NFKBID: variants seen among roughly 807,000 people sequenced by gnomAD.
NFKBID encodes the protein NF-kappa-B inhibitor delta.
NFKBID carries 26 observed loss-of-function variants against 53.4 expected under a neutral mutation model. The ratio of observed to expected loss-of-function variants is 0.49; its 90% CI spans 0.36 to 0.68. NFKBID has a LOEUF of 0.68. Ranked by LOEUF, NFKBID falls within the 30% of genes least tolerant of loss-of-function variation. NFKBID has a pLI of 0.00. For synonymous variants in NFKBID, 262 were observed against 259.8 expected (o/e 1.01, Z -0.08); for missense variants, 493 against 614.1 (o/e 0.80, Z 2.08).
chr19:35,900,481 C>T (rs1243027703), exon 1 of NFKBID: 1 of 1,231,928 alleles, frequency 8.1e-7, no homozygotes, highest in Non-Finnish European at 1.0e-6. Context: ...CCCCCAGGGC[C>T]GCGGCCTCGG....
chr19:35,894,677 G>T (rs1975005936), intron 9 of NFKBID, among the ~76,000 whole-genome samples: 1 of 151,664 alleles, frequency 6.6e-6, no homozygotes, highest in Non-Finnish European at 1.5e-5. Flanking sequence ...CAGCCTGAGT[G>T]ACAGAGTGAG....
At chr19:35,890,518 G>A (rs1974688177) in intron 9 of NFKBID, 28 bp from the exon 10 acceptor site, 14 of 1,508,812 alleles carry the variant, frequency 9.3e-6, no homozygotes, top group Non-Finnish European at 1.3e-5. Context: ...GCAGAGGTCA[G>A]GGCCAGCCTC....
At chr19:35,897,920 G>A (rs1975296456) in intron 3 of NFKBID, 64 bp from the exon 4 acceptor site, 1 of 1,142,842 alleles carries the variant, frequency 8.8e-7, no homozygotes, top group East Asian at 2.6e-5. Context: ...CACATCCAGG[G>A]CTAGAGGGCC....
Position 35,896,757 on chromosome 19 carries a change from C to T in NFKBID, c.653G>A (p.Arg218Gln), listed in dbSNP as rs201493110. Residue 218 changes from arginine (R) to glutamine (Q), a missense_variant, in exon 6 of 12, where the codon CGG (arginine) becomes CAG (glutamine). By Grantham distance (43) the Arg-to-Gln change is conservative. This residue lies in a region of NFKBID where 267 missense variants were observed against 384.6 expected (regional missense o/e 0.69). Transcript: ENST00000641389. The surrounding 1 kb of genome is among the most constrained non-coding windows in gnomAD (Gnocchi z 5.7). ...CTTATGCTCACGAATGTCAAGACGC[C>T]GGTACACCTGGAGCACCTCAGCCGC... 42 of 1,613,902 alleles carry T rather than the reference C, an allele frequency of 2.6e-5. No individual in the cohort carries two copies. In the African/African-American group the frequency reaches 2.9e-4, roughly 11 times the overall value.
At chr19:35,894,524 T>G (rs112009999) in intron 9 of NFKBID, among the ~76,000 whole-genome samples, 1 of 151,628 alleles carries the variant, frequency 6.6e-6, no homozygotes, top group Non-Finnish European at 1.5e-5. Context: ...CTGGCCAACA[T>G]AGTTAGACCC....
intron 1 of NFKBID, among the ~76,000 whole-genome samples, chr19:35,900,216 G>A (rs1443400667): frequency 3.3e-5 from 5 of 151,074 alleles, no homozygotes; most frequent in Non-Finnish European, 7.4e-5. Flanking sequence ...GGGGCCCTGC[G>A]ATCCTGGATC....
chr19:35,896,697 C>T lies in NFKBID; in HGVS notation c.684+29G>A, dbSNP rs1163516907. 6.2e-7 allele frequency: 1 copy of T among 1,602,208 alleles called. No individual in the cohort carries two copies. Among genetic ancestry groups the T allele is most frequent in the South Asian group, 1.1e-5 (1 of 90,742 alleles). On this transcript the variant is annotated intron_variant, in intron 6 of 11. Coordinates refer to ENST00000641389, the Ensembl canonical transcript of NFKBID. This position sits in a 1 kb window ranked among gnomAD's most constrained non-coding sequence, Gnocchi z 5.7. ...GCCCCAGGCTCCTTCCTCCCCTGAA[C>T]CCAGGAGAGTTCAGGCCCCAAGCCT... is the stretch of plus-strand genomic sequence containing the variant.
Position 35,888,543 on chromosome 19 carries a change from G to A in NFKBID, c.*16C>T, listed in dbSNP as rs1020498541. 3 of 1,556,890 alleles carry A rather than the reference G, an allele frequency of 1.9e-6. 1 individual carries two copies. The Admixed American group carries it at 5.7e-5, about 30-fold the overall frequency. On this transcript the variant is annotated 3_prime_UTR_variant, in exon 12 of 12. Coordinates refer to ENST00000641389, the Ensembl canonical transcript of NFKBID. Reference sequence around the variant, plus strand: ...GGTGGGGACTGGAAAATCAGTCCAGGGTCTGGGTTTGAGTCCTAAGAGGAC... The same window carrying A: ...GGTGGGGACTGGAAAATCAGTCCAGAGTCTGGGTTTGAGTCCTAAGAGGAC...
chr19:35,889,186 T>TA (rs552654313), intron 11 of NFKBID, among the ~76,000 whole-genome samples: 17,961 of 131,178 alleles, frequency 0.14, 3,347 homozygotes, highest in African/African-American at 0.43. Flanking sequence ...CCCCATCTCT[T>TA]AAAAAAAAAA....
At chr19:35,892,991 C>A (rs1349029558) in intron 9 of NFKBID, among the ~76,000 whole-genome samples, 2 of 151,772 alleles carry the variant, frequency 1.3e-5, no homozygotes, top group East Asian at 1.9e-4. Context: ...ATAGTGAGAC[C>A]CCCCCTCTCT....
At chr19:35,897,626 A>T in intron 4 of NFKBID, 25 bp downstream of exon 4, 1 of 1,241,870 alleles carries the variant, frequency 8.1e-7, no homozygotes, top group East Asian at 2.3e-5. Flanking sequence ...GCCCTTCAGC[A>T]TCCTGTACCC....
At chr19:35,891,213 A>T (rs1293795453) in intron 9 of NFKBID, among the ~76,000 whole-genome samples, 1 of 152,226 alleles carries the variant, frequency 6.6e-6, no homozygotes, top group Non-Finnish European at 1.5e-5. Flanking sequence ...CACAATATTG[A>T]GCTGTTCCCA....
upstream of NFKBID, among the ~76,000 whole-genome samples, chr19:35,900,832 T>TC (rs1338262768): frequency 2.2e-5 from 3 of 137,648 alleles, no homozygotes; most frequent in East Asian, 7.0e-4. Flanking sequence ...CTTTTCTTTT[T>TC]TTTTTTTTTT....
chr19:35,898,365 G>A (rs1050118458), intron 3 of NFKBID, 107 bp downstream of exon 3: 44 of 703,114 alleles, frequency 6.3e-5, no homozygotes, highest in South Asian at 3.5e-4. Flanking sequence ...AAAAAAAAAA[G>A]GGAAGAATGA....
At chr19:35,901,363 T>C (rs184832184), upstream of NFKBID, among the ~76,000 whole-genome samples, 42 of 152,210 alleles carry the variant, frequency 2.8e-4, no homozygotes, top group African/African-American at 9.9e-4. Flanking sequence ...ATCACCCTTT[T>C]TAGAGGTCTG....
chr19:35,896,149 G>T lies in NFKBID; in HGVS notation c.884-21C>A. 1 of 1,613,960 alleles carries T rather than the reference G, an allele frequency of 6.2e-7. No homozygotes were observed. Among genetic ancestry groups the T allele is most frequent in the East Asian group, 2.2e-5 (1 of 44,882 alleles). On this transcript the variant is annotated intron_variant, in intron 8 of 11. Coordinates refer to ENST00000641389, the Ensembl canonical transcript of NFKBID. The surrounding 1 kb of genome is among the most constrained non-coding windows in gnomAD (Gnocchi z 5.7). ...GAGGCCTGCAGAATGGAGACAGTGAGGGACCCGCATCTGCACCCACCTCGC... is the reference window on the plus strand; with the variant it reads ...GAGGCCTGCAGAATGGAGACAGTGATGGACCCGCATCTGCACCCACCTCGC...
chr19:35,897,667 A>G, exon 4 of NFKBID: 4 of 1,589,716 alleles, frequency 2.5e-6, no homozygotes, highest in Non-Finnish European at 3.5e-6. Context: ...GCCCTGGGGA[A>G]ATGGGCACGG....
intron 9 of NFKBID, among the ~76,000 whole-genome samples, chr19:35,893,728 G>A (rs908269573): frequency 6.6e-6 from 1 of 151,710 alleles, no homozygotes; most frequent in Admixed American, 6.6e-5. Context: ...GCTGAGGCAG[G>A]AGAATGGTGT....
At chr19:35,889,592 T>C (rs1050919689) in intron 11 of NFKBID, among the ~76,000 whole-genome samples, 1 of 150,460 alleles carries the variant, frequency 6.6e-6, no homozygotes, top group African/African-American at 2.5e-5. Context: ...GGGTAGGAGG[T>C]CACACTTGGG....
Sources: gnomAD v4.1 joint callset for allele counts (sites outside exome capture counted in the v4.1 genomes callset) on GRCh38, gnomAD v4.1.1 for gene constraint, gnomAD v4.1.1 regional missense constraint, Gnocchi (gnomAD v3.1) non-coding constraint, MANE v1.5 for transcripts, NCBI Gene and HGNC (gene_info 2026-07-23, HGNC 2026-07-21) for gene names.